GLIS3: variants seen among roughly 807,000 people sequenced by gnomAD.
GLIS3 encodes the protein zinc finger protein GLIS3.
GLIS3 carries 53 observed loss-of-function variants against 78.6 expected under a neutral mutation model. That is an observed-to-expected ratio of 0.67 (90% CI 0.54 to 0.85). The LOEUF (loss-of-function observed/expected upper bound fraction) is 0.85, where lower values mean the gene tolerates loss of function less well. GLIS3 is among the 40% of genes least tolerant of loss of function. The pLI is 0.00. For synonymous variants in GLIS3, 684 were observed against 509.9 expected (o/e 1.34, Z -4.60); for missense variants, 1,703 against 1,231.1 (o/e 1.38, Z -5.74).
chr9:4,326,936 T>C (rs945216185), intron 2 of GLIS3, among the ~76,000 whole-genome samples: 1 of 152,178 alleles, frequency 6.6e-6, no homozygotes, highest in Non-Finnish European at 1.5e-5. Flanking sequence ...GATAAAGTTA[T>C]TCCTTTAACA....
intron 2 of GLIS3, among the ~76,000 whole-genome samples, chr9:4,273,023 A>G (rs1587254287): frequency 6.6e-6 from 1 of 152,220 alleles, no homozygotes; most frequent in Non-Finnish European, 1.5e-5. Flanking sequence ...TGTGGTTTAC[A>G]TTTGTTCTCT....
At chr9:4,052,237 AT>A (rs1487704977) in intron 4 of GLIS3, among the ~76,000 whole-genome samples, 1 of 152,152 alleles carries the variant, frequency 6.6e-6, no homozygotes, top group African/African-American at 2.4e-5. Context: ...AGATAGGTAC[AT>A]TTCGTTTTCA....
intron 2 of GLIS3, among the ~76,000 whole-genome samples, chr9:4,148,189 C>CA (rs1397013086): frequency 1.3e-5 from 2 of 152,004 alleles, no homozygotes; most frequent in African/African-American, 4.8e-5. Context: ...CTTATTATAG[C>CA]AAAAATAGCT....
chr9:4,243,250 G>T (rs1823486010), intron 2 of GLIS3, among the ~76,000 whole-genome samples: 1 of 152,198 alleles, frequency 6.6e-6, no homozygotes, highest in South Asian at 2.1e-4. Context: ...ACAGAGTACA[G>T]TACAGGAAGG....
chr9:4,361,360 A>G, the GLIS3 span, among the ~76,000 whole-genome samples: 1 of 152,172 alleles, frequency 6.6e-6, no homozygotes, highest in Non-Finnish European at 1.5e-5. Flanking sequence ...CAATTGCATT[A>G]AAGTTAAACT....
chr9:4,059,829 T>TGTGTGTGAGAGAGAGA, intron 4 of GLIS3, among the ~76,000 whole-genome samples: 112 of 100,698 alleles, frequency 1.1e-3, no homozygotes, highest in South Asian at 3.6e-3. Flanking sequence ...TGTGTGTGTG[T>TGTGTGTGAGAGAGAGA]GAGAGAGAGA....
rs991530601 is a variant in GLIS3 at position 4,014,778 on chromosome 9, C to A, written c.1711-77589G>T. Among the ~76,000 whole-genome samples the A allele has an allele frequency of 4.6e-5, 7 of 152,306 alleles. 1 individual carries two copies. The South Asian group carries it at 1.0e-3, about 23-fold the overall frequency. ...CAGAAATCACCTCGTCCAATGCCTT[C>A]AAAGTGCAGATGTACACACTCACAC... On this transcript the variant is annotated intron_variant, in intron 4 of 10. Transcript: ENST00000381971.
chr9:4,377,794 G>T, the GLIS3 span, among the ~76,000 whole-genome samples: 6 of 152,128 alleles, frequency 3.9e-5, no homozygotes, highest in African/African-American at 1.2e-4. Context: ...ACTTGTTTAG[G>T]CAATATTTAC....
At chr9:4,219,532 T>C (rs1821135831) in intron 2 of GLIS3, among the ~76,000 whole-genome samples, 2 of 152,278 alleles carry the variant, frequency 1.3e-5, no homozygotes, top group African/African-American at 4.8e-5. Context: ...CCTCAATAAA[T>C]GTGACCAAAC....
At position 4,321,400 on chromosome 9, in the gene GLIS3, C is replaced by A. The variant is rs532858219; in HGVS notation, n.265-10872G>T. ...TGGCGCCACTGCACTCCAGCCTGGG[C>A]CACAGAGCTAGACTCCGTCTCAAAA... On this transcript the variant is annotated intron_variant and non_coding_transcript_variant, in intron 2 of 4. Transcript: ENST00000471664. 3.1e-3 allele frequency among the ~76,000 whole-genome samples: 284 copies of A among 91,648 alleles called. 31 individuals carry two copies. Among genetic ancestry groups the A allele is most frequent in the African/African-American group, 0.016 (262 of 15,958 alleles). 60.1% of individuals were successfully genotyped at this position (91,648 alleles called of 152,430 possible). A position where few individuals can be genotyped will look rare whatever the true frequency, so the allele number is the denominator to read the frequency against.
the GLIS3 span, among the ~76,000 whole-genome samples, chr9:4,404,565 A>C: frequency 1.3e-5 from 2 of 152,198 alleles, no homozygotes; most frequent in African/African-American, 4.8e-5. Context: ...TAACAAAAGG[A>C]ATTTTGGAAA....
chr9:4,189,103 A>G (rs7466060), intron 2 of GLIS3, among the ~76,000 whole-genome samples: 39 of 150,818 alleles, frequency 2.6e-4, no homozygotes, highest in East Asian at 3.9e-4. Context: ...TGTCAATTTT[A>G]GATCTTTCCT....
intron 2 of GLIS3, among the ~76,000 whole-genome samples, chr9:4,343,275 G>T (rs1189788067): frequency 6.6e-6 from 1 of 152,188 alleles, no homozygotes; most frequent in Admixed American, 6.5e-5. Context: ...CCAGGAGTTC[G>T]AGGCTTCAGT....
At chr9:3,860,038 G>C (rs1820081405) in intron 8 of GLIS3, among the ~76,000 whole-genome samples, 1 of 152,068 alleles carries the variant, frequency 6.6e-6, no homozygotes. Flanking sequence ...CACTTTGGGA[G>C]GCCGAGGCGG....
At chr9:4,350,152 A>T (rs1280111578), upstream of GLIS3, among the ~76,000 whole-genome samples, 1 of 152,168 alleles carries the variant, frequency 6.6e-6, no homozygotes, top group African/African-American at 2.4e-5. Context: ...GTCAGAGAAG[A>T]CCGAGAGCTA....
At chr9:4,418,313 G>C in the GLIS3 span, among the ~76,000 whole-genome samples, 2 of 152,318 alleles carry the variant, frequency 1.3e-5, no homozygotes, top group Admixed American at 6.5e-5. Flanking sequence ...TTGGCCTCAG[G>C]AGGGAAAGAT....
chr9:4,399,801 C>A, the GLIS3 span, among the ~76,000 whole-genome samples: 1 of 152,158 alleles, frequency 6.6e-6, no homozygotes, highest in Admixed American at 6.6e-5. Flanking sequence ...AGGCATCTAA[C>A]CCAGCCTTGG....
At chr9:4,281,298 A>C (rs925373062) in intron 2 of GLIS3, among the ~76,000 whole-genome samples, 1 of 152,176 alleles carries the variant, frequency 6.6e-6, no homozygotes, top group African/African-American at 2.4e-5. Flanking sequence ...CATAAAAGCG[A>C]TCGTCTTAAT....
At chr9:4,416,480 T>C in the GLIS3 span, among the ~76,000 whole-genome samples, 2 of 152,156 alleles carry the variant, frequency 1.3e-5, no homozygotes, top group African/African-American at 4.8e-5. Context: ...AAAAGGTTTA[T>C]AAAGATTAAA....
Sources: gnomAD v4.1 joint callset for allele counts (sites outside exome capture counted in the v4.1 genomes callset) on GRCh38, gnomAD v4.1.1 for gene constraint, MANE v1.5 for transcripts, NCBI Gene and HGNC (gene_info 2026-07-23, HGNC 2026-07-21) for gene names.